The following TBC1D1 variants were observed in gnomAD, a reference collection of about 807,000 sequenced individuals.
TBC1D1 encodes TBC1 domain family member 1.
Under a neutral mutation model 125.6 loss-of-function variants are expected in TBC1D1, and 89 were observed. The observed-to-expected ratio is 0.71, with a 90% confidence interval of 0.60 to 0.85. The LOEUF is 0.85. TBC1D1 is among the 40% of genes least tolerant of loss of function. TBC1D1 has a pLI of 0.00. For synonymous variants in TBC1D1, 565 were observed against 564.1 expected (o/e 1.00, Z -0.02); for missense variants, 1,377 against 1,469.2 (o/e 0.94, Z 1.03).
intron 3 of TBC1D1, among the ~76,000 whole-genome samples, chr4:38,016,520 T>A (rs1225845617): frequency 2.0e-5 from 3 of 152,230 alleles, no homozygotes; most frequent in Non-Finnish European, 2.9e-5. Context: ...ACTTCCTGCT[T>A]TTTTGCTTTA....
chr4:37,967,914 G>A (rs1054215143), intron 2 of TBC1D1, among the ~76,000 whole-genome samples: 6 of 151,980 alleles, frequency 3.9e-5, no homozygotes, highest in African/African-American at 1.5e-4. Context: ...AGGACTGCTG[G>A]GTTTTTCCAT....
intron 14 of TBC1D1, 78 bp from the exon 17 acceptor site, chr4:38,102,921 C>T (rs1760634872): frequency 3.0e-6 from 4 of 1,332,646 alleles, no homozygotes; most frequent in Admixed American, 5.0e-5. Context: ...ATAAATGGAA[C>T]ATGAAACACA....
intron 12 of TBC1D1, among the ~76,000 whole-genome samples, chr4:38,076,250 C>T (rs1332963511): frequency 1.3e-5 from 2 of 152,116 alleles, no homozygotes; most frequent in Admixed American, 1.3e-4. Flanking sequence ...TTTATAAAAC[C>T]ATCAGATCTC....
intron 7 of TBC1D1, among the ~76,000 whole-genome samples, chr4:38,029,069 A>AGCCT (rs1440680770): frequency 1.3e-5 from 2 of 152,188 alleles, no homozygotes; most frequent in Admixed American, 1.3e-4. Flanking sequence ...GCATGCCTGT[A>AGCCT]GCCTGTTCAT....
intron 12 of TBC1D1, among the ~76,000 whole-genome samples, chr4:38,071,378 G>C (rs1329355991): frequency 2.0e-5 from 3 of 152,172 alleles, no homozygotes; most frequent in Admixed American, 2.0e-4. Context: ...TTCAGGAATA[G>C]TTTGGGAATG....
intron 18 of TBC1D1, chr4:38,132,808 T>C (rs1045918724): frequency 4.5e-6 from 1 of 220,742 alleles, no homozygotes; most frequent in Admixed American, 5.9e-5. Context: ...AGAGGTTTTT[T>C]TTTTTTTTTT....
chr4:38,052,186 T>A, intron 11 of TBC1D1, 126 bp downstream of exon 12: 1 of 601,634 alleles, frequency 1.7e-6, no homozygotes, highest in East Asian at 6.2e-5. Flanking sequence ...TGTGTGTGTG[T>A]GTGTGTGTGC....
At chr4:38,063,638 TTA>T (rs1753159427) in intron 12 of TBC1D1, among the ~76,000 whole-genome samples, 1 of 151,694 alleles carries the variant, frequency 6.6e-6, no homozygotes, top group Admixed American at 6.6e-5. Flanking sequence ...TTTTTATTTT[TTA>T]TTTTTTGAGA....
intron 8 of TBC1D1, among the ~76,000 whole-genome samples, 200 bp downstream of exon 8, chr4:38,035,898 T>C (rs1233911356): frequency 1.3e-5 from 2 of 152,068 alleles, no homozygotes; most frequent in African/African-American, 2.4e-5. Context: ...GCCTGCACCA[T>C]AGTGGAGGCA....
rs112580544 is a variant in TBC1D1 at position 37,973,830 on chromosome 4, A to G, written c.418-40679A>G. On this transcript the variant is annotated intron_variant, in intron 2 of 19. Coordinates refer to ENST00000261439, the MANE Select transcript of TBC1D1 (RefSeq NM_015173.4). ...TTTAAGACCAATGTTAATGAATCTC[A>G]TCTACTAGTGCTTCTCAAACTTTAA... Among the ~76,000 whole-genome samples the G allele has an allele frequency of 3.3e-3, 508 of 152,304 alleles. 2 individuals carry two copies. The highest frequency in any genetic ancestry group is 0.012 in the African/African-American group (485 of 41,572).
intron 15 of TBC1D1, among the ~76,000 whole-genome samples, chr4:38,115,401 C>T (rs1762825528): frequency 6.6e-6 from 1 of 152,184 alleles, no homozygotes. Context: ...CACACCTGGC[C>T]AACAGTTTTC....
At chr4:37,933,356 T>G (rs1723695716) in intron 2 of TBC1D1, among the ~76,000 whole-genome samples, 1 of 151,982 alleles carries the variant, frequency 6.6e-6, no homozygotes. Context: ...GATATATAAA[T>G]GCACCTACAT....
At chr4:37,928,459 T>C (rs530951313) in intron 2 of TBC1D1, among the ~76,000 whole-genome samples, 1 of 78,908 alleles carries the variant, frequency 1.3e-5, no homozygotes, top group South Asian at 3.7e-4. Flanking sequence ...GAAGCTTAGG[T>C]TTTTTTTTGA....
chr4:38,127,547 C>G (rs748898127), intron 18 of TBC1D1, among the ~76,000 whole-genome samples: 30 of 152,072 alleles, frequency 2.0e-4, no homozygotes, highest in Non-Finnish European at 3.4e-4. Flanking sequence ...CCACGCTCAG[C>G]TAATTTTTGT....
At chr4:37,905,656 A>G (rs1432454573) in intron 2 of TBC1D1, among the ~76,000 whole-genome samples, 1 of 152,232 alleles carries the variant, frequency 6.6e-6, no homozygotes, top group Non-Finnish European at 1.5e-5. Context: ...AACAGATGTT[A>G]TCATTCTTTG....
At chr4:38,038,462 A>C (rs1457152267) in intron 8 of TBC1D1, among the ~76,000 whole-genome samples, 1 of 152,208 alleles carries the variant, frequency 6.6e-6, no homozygotes, top group Non-Finnish European at 1.5e-5. Flanking sequence ...CTTTCAAATT[A>C]GGTGATATCA....
chr4:38,053,107 A>G, intron 11 of TBC1D1: 1 of 1,458,846 alleles, frequency 6.9e-7, no homozygotes, highest in South Asian at 1.5e-5. Context: ...AACTCTTAGC[A>G]TCTCCTACCG....
chr4:37,924,168 G>A (rs1721601773), intron 2 of TBC1D1, among the ~76,000 whole-genome samples: 2 of 152,064 alleles, frequency 1.3e-5, no homozygotes, highest in Non-Finnish European at 2.9e-5. Context: ...TGGTGTCACT[G>A]CCATATACCA....
rs1764454337 is a variant in TBC1D1 at position 38,125,227 on chromosome 4, T to C, written c.3132+96T>C. On this transcript the variant is annotated intron_variant, in intron 18 of 19. Transcript: ENST00000261439. ...GCAGGAACTGTTTCCTACCACTTTG[T>C]GTTCTGAACGGCATTCTGCATGATG... is the stretch of plus-strand genomic sequence containing the variant. 3.2e-6 allele frequency: 4 copies of C among 1,245,558 alleles called. No individual in the cohort carries two copies. In the African/African-American group the frequency reaches 6.0e-5, roughly 19 times the overall value. 77.2% of individuals were successfully genotyped at this position (1,245,558 alleles called of 1,614,324 possible). A position where few individuals can be genotyped will look rare whatever the true frequency, so the allele number is the denominator to read the frequency against.
Sources: allele counts gnomAD v4.1 joint callset (sites outside exome capture counted in the v4.1 genomes callset), GRCh38; gene constraint gnomAD v4.1.1; transcripts MANE v1.5; gene names NCBI Gene and HGNC (gene_info 2026-07-23, HGNC 2026-07-21).